The following CLVS2 variants were observed in gnomAD, a reference collection of about 807,000 sequenced individuals.
The protein encoded by CLVS2 is clavesin-2.
Under a neutral mutation model 29.0 loss-of-function variants are expected in CLVS2, and 19 were observed. The observed-to-expected ratio is 0.66, with a 90% CI of 0.46 to 0.96. CLVS2 has a LOEUF of 0.96. Ranked by LOEUF, CLVS2 falls within the 40% of genes least tolerant of loss-of-function variation. CLVS2 has a pLI of 0.00. For synonymous variants in CLVS2, 161 were observed against 151.3 expected (o/e 1.06, Z -0.47); for missense variants, 294 against 404.1 (o/e 0.73, Z 2.34).
chr6:123,015,789 T>A (rs564599376), intron 3 of CLVS2, among the ~76,000 whole-genome samples: 1 of 152,160 alleles, frequency 6.6e-6, no homozygotes, highest in East Asian at 1.9e-4. Flanking sequence ...ACTATTAGCC[T>A]CCCAGTTCTC....
chr6:123,040,310 A>G (rs1219883714), intron 3 of CLVS2, among the ~76,000 whole-genome samples: 1 of 152,132 alleles, frequency 6.6e-6, no homozygotes, highest in Non-Finnish European at 1.5e-5. Flanking sequence ...TTCTGGGTAT[A>G]TGGCTGAAAC....
intron 2 of CLVS2, among the ~76,000 whole-genome samples, chr6:123,003,958 T>G (rs1042760323): frequency 2.6e-5 from 4 of 152,014 alleles, no homozygotes; most frequent in South Asian, 4.2e-4. Flanking sequence ...TAGTCGCTTT[T>G]TGTGTGTGTG....
intron 2 of CLVS2, among the ~76,000 whole-genome samples, chr6:123,003,852 G>A (rs1195431637): frequency 6.6e-6 from 1 of 152,092 alleles, no homozygotes; most frequent in Admixed American, 6.5e-5. Flanking sequence ...AACATTTATT[G>A]TTCCATTTTA....
Position 123,033,909 on chromosome 6 carries a change from G to A in CLVS2, c.565-14713G>A, listed in dbSNP as rs140224991. On this transcript the variant is annotated intron_variant, in intron 3 of 5. Transcript: ENST00000275162. ...AATAAGAATATGGTTAAAACACACG[G>A]ACAGACATTTCACCAAGGAAGAGAC... is the stretch of plus-strand genomic sequence containing the variant. 2.2e-3 allele frequency among the ~76,000 whole-genome samples: 332 copies of A among 152,108 alleles called. 4 individuals carry two copies. The highest frequency in any genetic ancestry group is 7.5e-3 in the African/African-American group (313 of 41,502).
chr6:123,042,249 T>C (rs1319509491), intron 3 of CLVS2, among the ~76,000 whole-genome samples: 2 of 152,232 alleles, frequency 1.3e-5, no homozygotes, highest in Non-Finnish European at 2.9e-5. Flanking sequence ...CTATTCATTT[T>C]TCAAGCCATT....
intron 3 of CLVS2, among the ~76,000 whole-genome samples, chr6:123,042,594 C>G (rs1029055248): frequency 6.6e-6 from 1 of 152,146 alleles, no homozygotes; most frequent in Non-Finnish European, 1.5e-5. Context: ...TGGCTCATTA[C>G]CAGTTATAAG....
At position 123,065,075 on chromosome 6, in the gene CLVS2, T is replaced by G. The variant is rs140437523; in HGVS notation, c.*1314T>G. On this transcript the variant is annotated 3_prime_UTR_variant, in exon 6 of 6. Coordinates refer to ENST00000275162, the MANE Select transcript of CLVS2 (RefSeq NM_001010852.4). ...CAGAAAAGACTGAAAAAACACATTA[T>G]ATTCAGGAGATATAATGAAATTATT... 1 of 151,970 alleles carries G rather than the reference T, an allele frequency of 6.6e-6. No individual in the cohort carries two copies. The highest frequency in any genetic ancestry group is 1.9e-4 in the East Asian group (1 of 5,180). 9.4% of individuals were successfully genotyped at this position (151,970 alleles called of 1,614,324 possible). A position where few individuals can be genotyped will look rare whatever the true frequency, so the allele number is the denominator to read the frequency against.
chr6:123,027,879 T>A (rs910379194), intron 3 of CLVS2, among the ~76,000 whole-genome samples: 9 of 152,328 alleles, frequency 5.9e-5, no homozygotes, highest in African/African-American at 2.2e-4. Context: ...TATATTTGCA[T>A]TTGCTCTGTA....
chr6:123,058,955 C>A (rs902820695), intron 5 of CLVS2, among the ~76,000 whole-genome samples: 2 of 152,040 alleles, frequency 1.3e-5, no homozygotes, highest in East Asian at 3.9e-4. Flanking sequence ...ACCAGGCAGG[C>A]CTTAGCTTTA....
At chr6:123,060,740 A>T (rs924242520) in intron 5 of CLVS2, among the ~76,000 whole-genome samples, 1 of 152,184 alleles carries the variant, frequency 6.6e-6, no homozygotes, top group African/African-American at 2.4e-5. Flanking sequence ...ACTCATTATA[A>T]CTTTATGATG....
intron 3 of CLVS2, among the ~76,000 whole-genome samples, chr6:123,032,107 G>A (rs1049479152): frequency 2.6e-5 from 4 of 151,848 alleles, no homozygotes; most frequent in African/African-American, 4.8e-5. Flanking sequence ...CCTAGATTGG[G>A]TTCACTTAAC....
intron 5 of CLVS2, among the ~76,000 whole-genome samples, chr6:123,058,365 T>C (rs2114366381): frequency 6.6e-6 from 1 of 152,284 alleles, no homozygotes; most frequent in South Asian, 2.1e-4. Flanking sequence ...GTCATCGGTG[T>C]CCACTAGTGT....
intron 3 of CLVS2, among the ~76,000 whole-genome samples, chr6:123,016,329 G>A (rs1011688791): frequency 1.3e-5 from 1 of 75,458 alleles, no homozygotes; most frequent in Non-Finnish European, 2.4e-5. Context: ...GTAAAATTAC[G>A]TGCTTTTTTT....
Position 123,067,171 on chromosome 6 carries a change from T to A in CLVS2, c.*3410T>A, listed in dbSNP as rs1023629257. The A allele has an allele frequency of 3.3e-5, 5 of 151,920 alleles. No individual in the cohort carries two copies. Among genetic ancestry groups the A allele is most frequent in the Admixed American group, 1.3e-4 (2 of 15,198 alleles). The allele number at this position is 151,920 out of a possible 1,614,324, so 9.4% of individuals were successfully genotyped here. On this transcript the variant is annotated 3_prime_UTR_variant, in exon 6 of 6. Coordinates refer to ENST00000275162, the MANE Select transcript of CLVS2 (RefSeq NM_001010852.4). ...TTCATACATTAATACTTAGCTTTTT[T>A]AATACTGTTAACTAGGTCATATTGT...
At chr6:123,000,263 C>A (rs1216798872) in intron 2 of CLVS2, among the ~76,000 whole-genome samples, 1 of 152,110 alleles carries the variant, frequency 6.6e-6, no homozygotes, top group East Asian at 1.9e-4. Context: ...AAAAGGTATA[C>A]AAGTGATTTA....
At chr6:123,023,793 T>C (rs905267373) in intron 3 of CLVS2, among the ~76,000 whole-genome samples, 2 of 152,132 alleles carry the variant, frequency 1.3e-5, no homozygotes, top group Non-Finnish European at 2.9e-5. Context: ...ATCTTGCCCG[T>C]ATCATGTCCA....
chr6:123,072,659 C>T lies in CLVS2; in HGVS notation c.*8898C>T, dbSNP rs1461481832. 1 of 151,980 alleles carries T rather than the reference C, an allele frequency of 6.6e-6. No individual in the cohort carries two copies. The highest frequency in any genetic ancestry group is 1.5e-5 in the Non-Finnish European group (1 of 67,968). The allele number at this position is 151,980 out of a possible 1,614,324, so 9.4% of individuals were successfully genotyped here. ...CAAGTATACACAGCACATGAAAGAT[C>T]CTATAGTTCATGTTCTCTTAGGTTG... On this transcript the variant is annotated 3_prime_UTR_variant, in exon 6 of 6. Coordinates refer to ENST00000275162, the MANE Select transcript of CLVS2 (RefSeq NM_001010852.4).
At chr6:123,028,701 C>G (rs1379330678) in intron 3 of CLVS2, among the ~76,000 whole-genome samples, 2 of 152,164 alleles carry the variant, frequency 1.3e-5, no homozygotes, top group Admixed American at 1.3e-4. Flanking sequence ...TTTTCAAAGA[C>G]AGGCGCCTGT....
At chr6:123,014,150 G>C (rs539472546) in intron 3 of CLVS2, among the ~76,000 whole-genome samples, 236 of 152,242 alleles carry the variant, frequency 1.6e-3, no homozygotes, top group Non-Finnish European at 4.4e-4. Flanking sequence ...ATAGCAGCAT[G>C]ATTTAAAACC....
Sources: gnomAD v4.1 joint callset for allele counts (sites outside exome capture counted in the v4.1 genomes callset) on GRCh38, gnomAD v4.1.1 for gene constraint, MANE v1.5 for transcripts, NCBI Gene and HGNC (gene_info 2026-07-23, HGNC 2026-07-21) for gene names.